Variants in PALM observed in about 807,000 individuals in gnomAD.
PALM encodes paralemmin.
A neutral mutation model predicts 30.7 loss-of-function variants in PALM; 18 were observed. The ratio of observed to expected loss-of-function variants is 0.59; its 90% CI spans 0.41 to 0.87. The LOEUF is 0.87. Among genes scored for constraint, PALM ranks in the 40% least tolerant of loss-of-function variants. The probability of loss-of-function intolerance (pLI) is 0.00; values close to 1 mark genes in which losing one functional copy is unlikely to be tolerated. For synonymous variants in PALM, 286 were observed against 242.8 expected (o/e 1.18, Z -1.66); for missense variants, 529 against 555.4 (o/e 0.95, Z 0.48).
chr19:737,202 G>A (rs2033048412), intron 7 of PALM, among the ~76,000 whole-genome samples: 2 of 152,202 alleles, frequency 1.3e-5, no homozygotes, highest in South Asian at 2.1e-4. Context: ...GCAGACAGAG[G>A]CATTTGTCAG....
At chr19:737,167 A>C (rs1393795744) in intron 7 of PALM, among the ~76,000 whole-genome samples, 2 of 152,162 alleles carry the variant, frequency 1.3e-5, no homozygotes, top group African/African-American at 4.8e-5. Context: ...AGCACGGTCC[A>C]GGGTGGGGGT....
intron 1 of PALM, among the ~76,000 whole-genome samples, chr19:717,437 G>A (rs972752407): frequency 1.3e-5 from 2 of 152,058 alleles, no homozygotes; most frequent in African/African-American, 4.8e-5. Flanking sequence ...CTCACTGAGC[G>A]TGATGTCCTC....
chr19:732,564 C>T (rs1599156785), intron 5 of PALM, among the ~76,000 whole-genome samples: 1 of 152,066 alleles, frequency 6.6e-6, no homozygotes, highest in Non-Finnish European at 1.5e-5. Flanking sequence ...ATGTCGTGGC[C>T]GGCACCTGTA....
At chr19:733,076 G>A (rs372737287) in intron 5 of PALM, among the ~76,000 whole-genome samples, 36 of 152,092 alleles carry the variant, frequency 2.4e-4, no homozygotes, top group African/African-American at 7.0e-4. Context: ...GCAGGCGCCC[G>A]CCACCACGCC....
intron 2 of PALM, 103 bp from the exon 3 acceptor site, chr19:726,905 G>A (rs1012663673): frequency 6.2e-5 from 46 of 743,544 alleles, no homozygotes; most frequent in Middle Eastern, 3.7e-4. Flanking sequence ...GAGGATCCCC[G>A]GACAGAGGAA....
At position 748,029 on chromosome 19, in the gene PALM, C is replaced by T. The variant is rs988089608; in HGVS notation, c.*1215C>T. 6.6e-6 allele frequency: 1 copy of T among 152,606 alleles called. No individual in the cohort carries two copies. The highest frequency in any genetic ancestry group is 1.5e-5 in the Non-Finnish European group (1 of 68,148). The allele number at this position is 152,606 out of a possible 1,614,324, so 9.5% of individuals were successfully genotyped here. A position where few individuals can be genotyped will look rare whatever the true frequency, so the allele number is the denominator to read the frequency against. ...GCCTGGTGCCCAGTGCTCAGGCCAC[C>T]TCCTGGTCCAGTCACCACCTGCAGC... is the stretch of plus-strand genomic sequence containing the variant. On this transcript the variant is annotated 3_prime_UTR_variant, in exon 9 of 9. Coordinates refer to ENST00000338448, the MANE Select transcript of PALM (RefSeq NM_002579.3).
intron 7 of PALM, among the ~76,000 whole-genome samples, chr19:739,099 A>T (rs933688218): frequency 3.3e-5 from 5 of 152,110 alleles, no homozygotes; most frequent in Non-Finnish European, 7.4e-5. Context: ...CGCTGTTAGG[A>T]TGCAGGCTCT....
At position 747,979 on chromosome 19, in the gene PALM, T is replaced by A. The variant is rs557387077; in HGVS notation, c.*1165T>A. The A allele has an allele frequency of 6.5e-6, 1 of 152,702 alleles. No individual in the cohort carries two copies. Among genetic ancestry groups the A allele is most frequent in the South Asian group, 2.1e-4 (1 of 4,832 alleles). The allele number at this position is 152,702 out of a possible 1,614,324, so 9.5% of individuals were successfully genotyped here. ...TGGCTTTGGACAACCAGGCCCCAAC[T>A]TGGTCCCTGCCCTAGGGACCTCCAG... On this transcript the variant is annotated 3_prime_UTR_variant, in exon 9 of 9. Transcript: ENST00000338448.
intron 8 of PALM, among the ~76,000 whole-genome samples, chr19:743,703 G>A (rs2033256835): frequency 6.6e-6 from 1 of 152,200 alleles, no homozygotes; most frequent in African/African-American, 2.4e-5. Flanking sequence ...TTTCTAGAAG[G>A]AATTTGCAGG....
rs531209229 is a variant in PALM, at chr19:729,896, G to A, written c.270-1199G>A. Among the ~76,000 whole-genome samples, 4 of 152,316 alleles carry A rather than the reference G, an allele frequency of 2.6e-5. No individual in the cohort carries two copies. In the South Asian group the frequency reaches 6.2e-4, roughly 24 times the overall value. On this transcript the variant is annotated intron_variant, in intron 4 of 8. Transcript: ENST00000338448. ...GAGGTGGATGGTCAGACACCTGGGC[G>A]AAGGCAGTGGGAGTTACTGGCCGTG...
At chr19:734,279 A>C (rs1410402754) in intron 6 of PALM, 85 bp downstream of exon 6, 2 of 1,369,902 alleles carry the variant, frequency 1.5e-6, no homozygotes, top group Admixed American at 1.7e-5. Context: ...TGAAGCTACA[A>C]AGTTGCTCGG....
chr19:742,265 C>T lies in PALM; in HGVS notation c.634+1782C>T, dbSNP rs2033215463. Among the ~76,000 whole-genome samples, 1 of 152,218 alleles carries T rather than the reference C, an allele frequency of 6.6e-6. No homozygotes were observed. Among genetic ancestry groups the T allele is most frequent in the African/African-American group, 2.4e-5 (1 of 41,550 alleles). On this transcript the variant is annotated intron_variant, in intron 8 of 8. Transcript: ENST00000338448. The surrounding 1 kb of genome is among the most constrained non-coding windows in gnomAD (Gnocchi z 5.5). ...CTCCCCAGCTCTGGCACCCACGCAT[C>T]CCCTCCTGTCTCTCTGGATTGGCCT...
intron 1 of PALM, among the ~76,000 whole-genome samples, chr19:718,057 C>T (rs994388524): frequency 1.3e-5 from 2 of 152,146 alleles, no homozygotes; most frequent in African/African-American, 4.8e-5. Flanking sequence ...TGGCATGTGC[C>T]TGTAATCCCA....
chr19:709,185 G>A lies in PALM; in HGVS notation c.5+34G>A, dbSNP rs965096825. ...GCGCGCTCGGGCCGCGGGGCTGGGGGCCCGGAGCTCCGGGAGCCGGGGAGG... is the reference window on the plus strand; with the variant it reads ...GCGCGCTCGGGCCGCGGGGCTGGGGACCCGGAGCTCCGGGAGCCGGGGAGG... On this transcript the variant is annotated intron_variant, in intron 1 of 8. Transcript: ENST00000338448. This position sits in a 1 kb window ranked among gnomAD's most constrained non-coding sequence, Gnocchi z 4.3. The A allele has an allele frequency of 6.3e-6, 2 of 319,412 alleles. No individual in the cohort carries two copies. Among genetic ancestry groups the A allele is most frequent in the African/African-American group, 2.2e-5 (1 of 45,294 alleles). 19.8% of individuals were successfully genotyped at this position (319,412 alleles called of 1,614,324 possible).
At chr19:729,229 G>A (rs2144887826) in intron 4 of PALM, among the ~76,000 whole-genome samples, 1 of 151,740 alleles carries the variant, frequency 6.6e-6, no homozygotes, top group Admixed American at 6.6e-5. Flanking sequence ...GGGAGGCTGA[G>A]GCAGGAGAAT....
chr19:727,193 C>G (rs2032700128), intron 3 of PALM, 105 bp downstream of exon 3: 1 of 748,476 alleles, frequency 1.3e-6, no homozygotes, highest in Non-Finnish European at 2.2e-6. Flanking sequence ...CCAACCTGAC[C>G]CTGACCCTGC....
chr19:709,571 C>T lies in PALM; in HGVS notation c.5+420C>T, dbSNP rs984178492. On this transcript the variant is annotated intron_variant, in intron 1 of 8. Transcript: ENST00000338448. This position sits in a 1 kb window ranked among gnomAD's most constrained non-coding sequence, Gnocchi z 4.3. ...CCGGCCTCGCGCTCACGCACCCTTC[C>T]CCCGCCCCAGTCTGAGCGCACGGCT... Among the ~76,000 whole-genome samples the T allele has an allele frequency of 3.3e-5, 5 of 152,090 alleles. No homozygotes were observed. Among genetic ancestry groups the T allele is most frequent in the Non-Finnish European group, 5.9e-5 (4 of 67,968 alleles).
chr19:717,090 C>T (rs1359541602), intron 1 of PALM, among the ~76,000 whole-genome samples: 3 of 152,096 alleles, frequency 2.0e-5, no homozygotes, highest in Non-Finnish European at 4.4e-5. Context: ...CCACCACGCC[C>T]GGCTAATTTT....
intron 1 of PALM, among the ~76,000 whole-genome samples, chr19:717,259 C>T (rs2032295909): frequency 6.6e-6 from 1 of 152,080 alleles, no homozygotes; most frequent in Non-Finnish European, 1.5e-5. Flanking sequence ...AATTGTAGAA[C>T]ATTTTCATCA....
Sources: gnomAD v4.1 joint callset for allele counts (sites outside exome capture counted in the v4.1 genomes callset) on GRCh38, gnomAD v4.1.1 for gene constraint, Gnocchi (gnomAD v3.1) non-coding constraint, MANE v1.5 for transcripts, NCBI Gene and HGNC (gene_info 2026-07-23, HGNC 2026-07-21) for gene names.